The following KIR2DL1 variants were observed in gnomAD, a reference collection of about 807,000 sequenced individuals.
The protein encoded by KIR2DL1 is killer cell immunoglobulin-like receptor 2DL1.
In KIR2DL1, 38 loss-of-function variants were observed where a neutral mutation model predicts 33.9. The ratio of observed to expected loss-of-function variants is 1.12; its 90% CI spans 0.86 to 1.47. The LOEUF is 1.47. Ranked by LOEUF, KIR2DL1 falls within the 40% of genes most tolerant of loss-of-function variation. KIR2DL1 has a pLI of 0.00. For missense variants in KIR2DL1, 531 were observed against 433.9 expected (o/e 1.22, Z -1.99); for synonymous variants, 179 against 165.9 (o/e 1.08, Z -0.61).
chr19:54,775,214 G>C lies in KIR2DL1; in HGVS notation c.420G>C (p.Leu140=), dbSNP rs778072563. The change falls in exon 4 of 8, where the codon CTG becomes CTC. Residue 140 remains leucine, a synonymous_variant. Coordinates refer to ENST00000336077, the MANE Select transcript of KIR2DL1 (RefSeq NM_014218.3). Reference sequence around the variant, plus strand: ...CAGCCCAGCTGGGCCCCACGGTTCTGGCAGGAGAGAATGTGACCTTGTCCT... The same window carrying C: ...CAGCCCAGCTGGGCCCCACGGTTCTCGCAGGAGAGAATGTGACCTTGTCCT... ...SLSAQLGPTV[L]AGENVTLSCS... The C allele has an allele frequency of 2.2e-5, 36 of 1,600,932 alleles. 1 individual carries two copies. In the African/African-American group the frequency reaches 4.6e-4, roughly 20 times the overall value.
intron 5 of KIR2DL1, among the ~76,000 whole-genome samples, chr19:54,779,163 G>A (rs1600822952): frequency 1.1e-4 from 16 of 147,386 alleles, no homozygotes; most frequent in African/African-American, 3.0e-4. Context: ...ATTCAGCCAC[G>A]GCCCCATGCT....
At chr19:54,776,462 C>G (rs1282386087) in intron 4 of KIR2DL1, among the ~76,000 whole-genome samples, 3 of 146,318 alleles carry the variant, frequency 2.1e-5, no homozygotes, top group Non-Finnish European at 4.6e-5. Flanking sequence ...GTATGTACTA[C>G]ATTCTCTCTA....
At chr19:54,770,225 T>C (rs641674) in intron 1 of KIR2DL1, among the ~76,000 whole-genome samples, 66,358 of 121,982 alleles carry the variant, frequency 0.54, 17,439 homozygotes, top group Middle Eastern at 0.68. Flanking sequence ...GGTGGAGTTA[T>C]GGGCCTGCAG....
chr19:54,772,152 G>A (rs1298375868), intron 2 of KIR2DL1, among the ~76,000 whole-genome samples: 1 of 148,018 alleles, frequency 6.8e-6, no homozygotes, highest in Non-Finnish European at 1.5e-5. Flanking sequence ...GGTTGTTGAT[G>A]AGTTGACCTT....
chr19:54,780,601 A>G (rs62122999), intron 5 of KIR2DL1, among the ~76,000 whole-genome samples: 22,795 of 101,654 alleles, frequency 0.22, 1,245 homozygotes, highest in African/African-American at 0.26. Flanking sequence ...GCCCAGGTGC[A>G]TAACTGGAAT....
Position 54,782,960 on chromosome 19 carries a change from G to C in KIR2DL1, c.754G>C (p.Val252Leu). Reference sequence around the variant, plus strand: ...CCTGCACATTCTGATTGGGACCTCAGTGGTCATCATCCTCTTCATCCTCCT... The same window carrying C: ...CCTGCACATTCTGATTGGGACCTCACTGGTCATCATCCTCTTCATCCTCCT... ...RHLHILIGTS[V>L]VIILFILLFF... The change falls in exon 6 of 8, where the codon GTG (valine) becomes CTG (leucine). Residue 252 changes from valine (V) to leucine (L), a missense_variant. Coordinates refer to ENST00000336077, the MANE Select transcript of KIR2DL1 (RefSeq NM_014218.3). 1 of 1,613,806 alleles carries C rather than the reference G, an allele frequency of 6.2e-7. No individual in the cohort carries two copies.
At position 54,775,112 on chromosome 19, in the gene KIR2DL1, G is replaced by T; in HGVS notation, c.371-53G>T. 3 of 1,518,648 alleles carry T rather than the reference G, an allele frequency of 2.0e-6. 1 individual carries two copies. Among genetic ancestry groups the T allele is most frequent in the Non-Finnish European group, 2.7e-6 (3 of 1,118,514 alleles). The allele number at this position is 1,518,648 out of a possible 1,614,324, so 94.1% of individuals were successfully genotyped here. A position where few individuals can be genotyped will look rare whatever the true frequency, so the allele number is the denominator to read the frequency against. ...GAGTGAGTTCTCAGCTCAGGTGAAG[G>T]GAGCTGTGACAAAGAAGATCCTCCC... On this transcript the variant is annotated intron_variant, in intron 3 of 7. Coordinates refer to ENST00000336077, the MANE Select transcript of KIR2DL1 (RefSeq NM_014218.3).
intron 5 of KIR2DL1, among the ~76,000 whole-genome samples, chr19:54,782,507 A>T (rs1324694686): frequency 6.6e-6 from 1 of 151,674 alleles, no homozygotes; most frequent in African/African-American, 2.4e-5. Flanking sequence ...AGCAAGGGGG[A>T]GGGGGAGTGA....
chr19:54,781,873 C>T lies in KIR2DL1; in HGVS notation c.716-1049C>T, dbSNP rs866190990. Among the ~76,000 whole-genome samples the T allele has an allele frequency of 8.0e-4, 121 of 151,966 alleles. 1 individual carries two copies. Among genetic ancestry groups the T allele is most frequent in the African/African-American group, 2.7e-3 (111 of 41,552 alleles). ...GGATGTAGAAACCCTAAAGCACATT[C>T]GCTGTGAATCAATCCCAGTCCAGTC... On this transcript the variant is annotated intron_variant, in intron 5 of 7. Coordinates refer to ENST00000336077, the MANE Select transcript of KIR2DL1 (RefSeq NM_014218.3).
intron 4 of KIR2DL1, among the ~76,000 whole-genome samples, chr19:54,776,828 G>C (rs1310691484): frequency 1.4e-5 from 2 of 145,996 alleles, no homozygotes; most frequent in Non-Finnish European, 3.0e-5. Flanking sequence ...TTTTAGTATA[G>C]ATGCGGTTTC....
At chr19:54,781,769 T>G (rs2076982563) in intron 5 of KIR2DL1, among the ~76,000 whole-genome samples, 2 of 152,142 alleles carry the variant, frequency 1.3e-5, no homozygotes, top group South Asian at 4.1e-4. Context: ...AAGAGAATTC[T>G]ATTTCGCTTT....
In KIR2DL1 at chr19:54,773,629, A is replaced by G. The variant is rs564948814; in HGVS notation, c.367A>G (p.Ile123Val). 34 of 1,571,536 alleles carry G rather than the reference A, an allele frequency of 2.2e-5. 3 individuals are homozygous for G. The Admixed American group carries it at 4.3e-4, about 20-fold the overall frequency. The change falls in exon 3 of 8, where the codon ATA becomes GTA. Residue 123 changes from isoleucine to valine, a missense_variant. Transcript: ENST00000336077. ...CAGTGACCCTCTGGACATCGTGATCATAGGTGAGAGTGTCCAGACTTTCTT... is the reference window on the plus strand; with the variant it reads ...CAGTGACCCTCTGGACATCGTGATCGTAGGTGAGAGTGTCCAGACTTTCTT... ...APSDPLDIVI[I>V]GLYEKPSLSA...
intron 4 of KIR2DL1, among the ~76,000 whole-genome samples, chr19:54,777,102 T>C (rs972939206): frequency 6.6e-6 from 1 of 151,462 alleles, no homozygotes; most frequent in African/African-American, 2.4e-5. Context: ...TATTTCATTT[T>C]ATTTTGAGAT....
At chr19:54,782,114 C>G (rs2077033123) in intron 5 of KIR2DL1, among the ~76,000 whole-genome samples, 1 of 151,954 alleles carries the variant, frequency 6.6e-6, no homozygotes. Flanking sequence ...CATATGGAGT[C>G]ACCCCATTTG....
At chr19:54,782,291 G>A (rs1176414301) in intron 5 of KIR2DL1, among the ~76,000 whole-genome samples, 1 of 145,598 alleles carries the variant, frequency 6.9e-6, no homozygotes, top group Non-Finnish European at 1.5e-5. Context: ...GCTGTCTTAG[G>A]CCATTTTTGT....
chr19:54,781,497 A>G (rs641359), intron 5 of KIR2DL1, among the ~76,000 whole-genome samples: 27,102 of 132,688 alleles, frequency 0.2, 1,069 homozygotes, highest in South Asian at 0.26. Flanking sequence ...GGAGATTCAG[A>G]TAGACCATGG....
chr19:54,770,661 G>T (rs1471671289), intron 1 of KIR2DL1, among the ~76,000 whole-genome samples, 188 bp from the exon 2 acceptor site: 1 of 148,354 alleles, frequency 6.7e-6, no homozygotes, highest in Admixed American at 6.8e-5. Context: ...TTGAGGTGGG[G>T]ATATGGACCT....
chr19:54,770,980 T>C, intron 2 of KIR2DL1, 96 bp downstream of exon 2: 2 of 1,502,474 alleles, frequency 1.3e-6, no homozygotes, highest in Non-Finnish European at 1.8e-6. Context: ...TCTCATAAAC[T>C]AGGAAGAAGG....
In KIR2DL1 at chr19:54,783,888, A is replaced by G. The variant is rs2077372917; in HGVS notation, c.*75A>G. 17 of 1,590,302 alleles carry G rather than the reference A, an allele frequency of 1.1e-5. No homozygotes were observed. Among genetic ancestry groups the G allele is most frequent in the South Asian group, 7.7e-5 (7 of 90,600 alleles). Reference sequence around the variant, plus strand: ...TCTCAAAACCGGGTTGCCAGCTCCCATGTACCAGCAGCTGGAATCTGAAGG... The same window carrying G: ...TCTCAAAACCGGGTTGCCAGCTCCCGTGTACCAGCAGCTGGAATCTGAAGG... On this transcript the variant is annotated 3_prime_UTR_variant, in exon 8 of 8. Coordinates refer to ENST00000336077, the MANE Select transcript of KIR2DL1 (RefSeq NM_014218.3).
Sources: gnomAD v4.1 joint callset for allele counts (sites outside exome capture counted in the v4.1 genomes callset) on GRCh38, gnomAD v4.1.1 for gene constraint, MANE v1.5 for transcripts, NCBI Gene and HGNC (gene_info 2026-07-23, HGNC 2026-07-21) for gene names.